Variants in KLKB1 observed in about 807,000 individuals in gnomAD.
KLKB1 encodes kallikrein B1.
KLKB1 carries 58 observed loss-of-function variants against 73.6 expected under a neutral mutation model. That is an observed-to-expected ratio of 0.79 (90% CI 0.64 to 0.98). The LOEUF is 0.98. KLKB1 is among the 50% of genes least tolerant of loss of function. The pLI, the probability that KLKB1 is intolerant of heterozygous loss-of-function variation, is 0.00. For synonymous variants in KLKB1, 280 were observed against 258.1 expected (o/e 1.08, Z -0.81); for missense variants, 737 against 763.8 (o/e 0.96, Z 0.41).
intron 2 of KLKB1, 137 bp from the exon 3 acceptor site, chr4:186,231,990 T>C: frequency 4.8e-6 from 3 of 619,760 alleles, no homozygotes; most frequent in Non-Finnish European, 8.1e-6. Flanking sequence ...ATATATTTTA[T>C]TTTCTCAGCA....
intron 4 of KLKB1, 84 bp from the exon 5 acceptor site, chr4:186,236,697 T>A (rs1737707390): frequency 7.0e-7 from 1 of 1,422,444 alleles, no homozygotes; most frequent in African/African-American, 1.4e-5. Flanking sequence ...CATTCTAAAC[T>A]ACCAACCCAA....
In KLKB1 at chr4:186,258,035, T is replaced by C. The variant is rs1345772016; in HGVS notation, c.1740T>C (p.Gly580=). ...GKDACKGDSG[G]PLVCKHNGMW... ...CTGTGACTCAGGGAGATTCAGGTGG[T>C]CCCTTAGTTTGCAAACACAATGGAA... is the stretch of plus-strand genomic sequence containing the variant. Residue 580 remains glycine (G), a synonymous_variant, in exon 15 of 15, where the codon GGT becomes GGC. Coordinates refer to ENST00000264690, the MANE Select transcript of KLKB1 (RefSeq NM_000892.5). The C allele has an allele frequency of 6.2e-7, 1 of 1,613,952 alleles. No homozygotes were observed. The highest frequency in any genetic ancestry group is 8.5e-7 in the Non-Finnish European group (1 of 1,179,876).
chr4:186,250,149 A>G lies in KLKB1; in HGVS notation c.599-94A>G. The G allele has an allele frequency of 3.5e-6, 4 of 1,141,174 alleles. No individual in the cohort carries two copies. The South Asian group carries it at 4.9e-5, about 14-fold the overall frequency. The allele number at this position is 1,141,174 out of a possible 1,614,324, so 70.7% of individuals were successfully genotyped here. A position where few individuals can be genotyped will look rare whatever the true frequency, so the allele number is the denominator to read the frequency against. On this transcript the variant is annotated intron_variant, in intron 6 of 14. Transcript: ENST00000264690. Reference sequence around the variant, plus strand: ...GGATGTTTAGTACTATGAATAATAAATAGTCACAATTTCCTTAACTATGGT... The same window carrying G: ...GGATGTTTAGTACTATGAATAATAAGTAGTCACAATTTCCTTAACTATGGT...
Position 186,258,315 on chromosome 4 carries a change from G to A in KLKB1, c.*103G>A. 9.9e-7 allele frequency: 1 copy of A among 1,015,218 alleles called. No individual in the cohort carries two copies. The highest frequency in any genetic ancestry group is 1.5e-6 in the Non-Finnish European group (1 of 659,256). 62.9% of individuals were successfully genotyped at this position (1,015,218 alleles called of 1,614,324 possible). A position where few individuals can be genotyped will look rare whatever the true frequency, so the allele number is the denominator to read the frequency against. The stretch of plus-strand genomic sequence containing the variant: ...AAGCATGGAGAGTGGCATCTTCTTT[G>A]CATCCTAAGGACGAAAAACACAGTG... On this transcript the variant is annotated 3_prime_UTR_variant, in exon 15 of 15. Transcript: ENST00000264690.
chr4:186,238,178 T>C, intron 5 of KLKB1, 78 bp from the exon 6 acceptor site: 1 of 917,044 alleles, frequency 1.1e-6, no homozygotes, highest in African/African-American at 1.6e-5. Context: ...CTGTGCATTT[T>C]AATACTAACT....
intron 4 of KLKB1, 90 bp from the exon 5 acceptor site, chr4:186,236,691 C>T: frequency 2.2e-6 from 3 of 1,361,966 alleles, no homozygotes. Flanking sequence ...TATTATCATT[C>T]TAAACTACCA....
chr4:186,218,781 G>C lies in KLKB1; in HGVS notation c.201+9509G>C, dbSNP rs565977729. 6.6e-5 allele frequency among the ~76,000 whole-genome samples: 10 copies of C among 152,208 alleles called. No homozygotes were observed. The South Asian group carries it at 8.3e-4, about 13-fold the overall frequency. On this transcript the variant is annotated intron_variant, in intron 2 of 14. Coordinates refer to the KLKB1 transcript ENST00000511608. ...GTTCTCTAGAAGGACAGAACTAATA[G>C]GATAGATGTACATATAAAGGGGAGT...
intron 5 of KLKB1, 144 bp downstream of exon 5, chr4:186,237,084 T>C: frequency 1.5e-6 from 1 of 680,130 alleles, no homozygotes; most frequent in South Asian, 2.2e-5. Flanking sequence ...CTCTATTTTA[T>C]TTTTTTATCT....
rs143779404 is a variant in KLKB1, at chr4:186,247,731, A to G, written c.599-2512A>G. On this transcript the variant is annotated intron_variant, in intron 6 of 14. Transcript: ENST00000264690. Reference sequence around the variant, plus strand: ...CCAAGAAAATTTAATTCTTATGTATATAAATAATGTGTCTGTTTTACATGA... The same window carrying G: ...CCAAGAAAATTTAATTCTTATGTATGTAAATAATGTGTCTGTTTTACATGA... 6.1e-3 allele frequency among the ~76,000 whole-genome samples: 933 copies of G among 152,352 alleles called. 6 individuals carry two copies. The highest frequency in any genetic ancestry group is 0.017 in the Middle Eastern group (5 of 294).
At chr4:186,229,459 AT>A (rs1737292279) in intron 2 of KLKB1, among the ~76,000 whole-genome samples, 2 of 152,192 alleles carry the variant, frequency 1.3e-5, no homozygotes, top group Admixed American at 6.5e-5. Context: ...TTTGGTGCAA[AT>A]AAGTAATATA....
chr4:186,236,811 A>C lies in KLKB1; in HGVS notation c.359A>C (p.Asp120Ala). 6.2e-7 allele frequency: 1 copy of C among 1,614,032 alleles called. No individual in the cohort carries two copies. Among genetic ancestry groups the C allele is most frequent in the Non-Finnish European group, 8.5e-7 (1 of 1,179,966 alleles). ...CATCGAGACATTTATAAAGGAGTTG[A>C]TATGAGAGGAGTCAATTTTAATGTG... ...ACHRDIYKGV[D>A]MRGVNFNVSK... is the part of the protein sequence containing the mutation. The change falls in exon 5 of 15, where the codon GAT (aspartate) becomes GCT (alanine). Residue 120 changes from aspartate to alanine, a missense_variant. Physicochemically the swap from Asp to Ala is moderately radical, Grantham distance 126. Coordinates refer to ENST00000264690, the MANE Select transcript of KLKB1 (RefSeq NM_000892.5).
rs1192144876 is a variant in KLKB1, at chr4:186,258,225, A to G, written c.*13A>G. 4 of 1,610,940 alleles carry G rather than the reference A, an allele frequency of 2.5e-6. No homozygotes were observed. The highest frequency in any genetic ancestry group is 3.4e-6 in the Non-Finnish European group (4 of 1,178,270). ...GTCACCAGCATGAGAAGCAGTCCAG[A>G]GTCTAGGCAATTTTTACAACCTGAG... is the stretch of plus-strand genomic sequence containing the variant. On this transcript the variant is annotated 3_prime_UTR_variant, in exon 15 of 15. Transcript: ENST00000264690.
intron 2 of KLKB1, among the ~76,000 whole-genome samples, chr4:186,219,213 C>A (rs1337366950): frequency 6.6e-6 from 1 of 152,142 alleles, no homozygotes; most frequent in Admixed American, 6.5e-5. Context: ...TTTGGCAACA[C>A]CCTCACAGAC....
In KLKB1 at chr4:186,238,250, A is replaced by G; in HGVS notation, c.489-6A>G. 2 of 1,593,176 alleles carry G rather than the reference A, an allele frequency of 1.3e-6. No individual in the cohort carries two copies. Among genetic ancestry groups the G allele is most frequent in the African/African-American group, 1.3e-5 (1 of 74,518 alleles). On this transcript the variant is annotated splice_region_variant and splice_polypyrimidine_tract_variant and intron_variant, in intron 5 of 14. Transcript: ENST00000264690. The stretch of plus-strand genomic sequence containing the variant: ...AAGCAAAGTAACCTCTTTTCTTCCC[A>G]TTCAGGAACAATTGCCTATTAAAGT...
upstream of KLKB1, among the ~76,000 whole-genome samples, chr4:186,226,091 C>T (rs1344873307): frequency 6.6e-6 from 1 of 151,836 alleles, no homozygotes; most frequent in Non-Finnish European, 1.5e-5. Flanking sequence ...TTCTTTAGCT[C>T]CAGAATTTCT....
At chr4:186,252,444 C>T (rs961626921) in intron 11 of KLKB1, among the ~76,000 whole-genome samples, 4 of 152,074 alleles carry the variant, frequency 2.6e-5, no homozygotes, top group African/African-American at 9.7e-5. Flanking sequence ...CCCCACTCCT[C>T]CAACCCACCA....
intron 2 of KLKB1, among the ~76,000 whole-genome samples, chr4:186,214,551 A>T (rs868782974): frequency 3.1e-4 from 47 of 152,210 alleles, no homozygotes; most frequent in African/African-American, 1.1e-3. Context: ...GAAAATGCAG[A>T]GTTTTCTCTT....
intron 2 of KLKB1, among the ~76,000 whole-genome samples, chr4:186,218,629 A>AGTGTGTGTGT (rs536955243): frequency 2.8e-5 from 4 of 144,350 alleles, no homozygotes; most frequent in African/African-American, 1.0e-4. Flanking sequence ...TATTTTACAT[A>AGTGTGTGTGT]GTGTGTGTGT....
intron 4 of KLKB1, among the ~76,000 whole-genome samples, chr4:186,236,571 G>T (rs547910807): frequency 5.3e-5 from 8 of 152,234 alleles, no homozygotes; most frequent in African/African-American, 1.9e-4. Context: ...CAAAGCTAGT[G>T]CTTTAGGGAA....
Sources: allele counts gnomAD v4.1 joint callset (sites outside exome capture counted in the v4.1 genomes callset), GRCh38; gene constraint gnomAD v4.1.1; transcripts MANE v1.5; gene names NCBI Gene and HGNC (gene_info 2026-07-23, HGNC 2026-07-21).